Variants in RAD51B observed in about 807,000 individuals in gnomAD.
RAD51B encodes RAD51 paralog B, also known as DNA repair protein RAD51 homolog 2.
In RAD51B, 38 loss-of-function variants were observed where a neutral mutation model predicts 42.2. The observed-to-expected ratio is 0.90, with a 90% CI of 0.70 to 1.18. The LOEUF (loss-of-function observed/expected upper bound fraction) is 1.18. Ranked by LOEUF, RAD51B falls within the 50% of genes most tolerant of loss-of-function variation. The pLI is 0.00. For missense variants in RAD51B, 373 were observed against 400.7 expected, an observed-to-expected ratio of 0.93 and a Z score of 0.59; for synonymous variants, 154 against 145.2, an observed-to-expected ratio of 1.06 and a Z score of -0.43.
chr14:68,562,043 C>T (rs1889178959), intron 10 of RAD51B: 1 of 985,268 alleles, frequency 1.0e-6, no homozygotes, highest in Non-Finnish European at 1.2e-6. Flanking sequence ...GCTGTCTTTG[C>T]AGAATTAGAC....
chr14:68,591,770 C>T (rs992628099), intron 10 of RAD51B, among the ~76,000 whole-genome samples: 2 of 152,140 alleles, frequency 1.3e-5, no homozygotes, highest in African/African-American at 4.8e-5. Context: ...CTCTGGCAGG[C>T]CTGGGGAGAT....
At chr14:68,052,545 A>G (rs1291492635) in intron 7 of RAD51B, among the ~76,000 whole-genome samples, 2 of 151,450 alleles carry the variant, frequency 1.3e-5, no homozygotes, top group African/African-American at 4.9e-5. Flanking sequence ...ATCTCTAGCC[A>G]TTTCTAGATA....
chr14:68,073,434 C>T (rs1290028977), intron 7 of RAD51B, among the ~76,000 whole-genome samples: 1 of 152,168 alleles, frequency 6.6e-6, no homozygotes, highest in African/African-American at 2.4e-5. Flanking sequence ...TGAGATGGGT[C>T]TGTTGAAGAC....
intron 7 of RAD51B, among the ~76,000 whole-genome samples, chr14:68,224,532 G>T (rs897026779): frequency 1.3e-5 from 2 of 152,022 alleles, no homozygotes; most frequent in African/African-American, 4.8e-5. Flanking sequence ...ATATTATTAT[G>T]ATCTATTCAT....
chr14:68,543,918 A>G (rs568816695), intron 10 of RAD51B, among the ~76,000 whole-genome samples: 2 of 152,326 alleles, frequency 1.3e-5, no homozygotes, highest in African/African-American at 4.8e-5. Flanking sequence ...TCAGGAAATT[A>G]GAACAAAAAA....
intron 7 of RAD51B, among the ~76,000 whole-genome samples, chr14:68,040,512 A>T (rs1287110216): frequency 1.3e-5 from 2 of 152,220 alleles, no homozygotes; most frequent in Non-Finnish European, 2.9e-5. Flanking sequence ...ACAATTTTAG[A>T]AAGACTTTTC....
chr14:68,220,789 T>C (rs2079909648), intron 7 of RAD51B, among the ~76,000 whole-genome samples: 1 of 152,096 alleles, frequency 6.6e-6, no homozygotes, highest in Non-Finnish European at 1.5e-5. Flanking sequence ...CATACACAAA[T>C]CAGTAGCTCT....
intron 7 of RAD51B, among the ~76,000 whole-genome samples, chr14:68,076,243 C>G (rs1480665126): frequency 6.6e-6 from 1 of 151,912 alleles, no homozygotes; most frequent in Non-Finnish European, 1.5e-5. Context: ...CCTAGAGAAA[C>G]TTTTTCAATG....
In RAD51B at chr14:68,006,141, G is replaced by C. The variant is rs79898072; in HGVS notation, c.756+118937G>C. Reference sequence around the variant, plus strand: ...CCAACATTGGGGATTATACTTGAACGTAAGATTTGGGTGGGACACAGATCC... The same window carrying C: ...CCAACATTGGGGATTATACTTGAACCTAAGATTTGGGTGGGACACAGATCC... On this transcript the variant is annotated intron_variant, in intron 7 of 10. Coordinates refer to ENST00000471583, the MANE Select transcript of RAD51B (RefSeq NM_133510.4). Among the ~76,000 whole-genome samples, 768 of 152,210 alleles carry C rather than the reference G, an allele frequency of 5.0e-3. 9 individuals are homozygous for C. Among genetic ancestry groups the C allele is most frequent in the African/African-American group, 0.018 (737 of 41,514 alleles).
chr14:67,860,936 G>T (rs1367520191), intron 4 of RAD51B, among the ~76,000 whole-genome samples: 1 of 152,186 alleles, frequency 6.6e-6, no homozygotes, highest in Non-Finnish European at 1.5e-5. Context: ...GCTCATGCCT[G>T]TAATCCTAGT....
intron 7 of RAD51B, among the ~76,000 whole-genome samples, chr14:68,228,521 A>G (rs2080085978): frequency 6.6e-6 from 1 of 152,146 alleles, no homozygotes. Flanking sequence ...GAGAGATGTC[A>G]TTTTTAGAAA....
At chr14:68,109,637 A>G (rs964240950) in intron 7 of RAD51B, among the ~76,000 whole-genome samples, 1 of 151,992 alleles carries the variant, frequency 6.6e-6, no homozygotes, top group African/African-American at 2.4e-5. Flanking sequence ...TTGGAGAAAG[A>G]AAGCAGTTAT....
At chr14:68,328,718 G>A (rs1016725782) in intron 8 of RAD51B, among the ~76,000 whole-genome samples, 3 of 152,200 alleles carry the variant, frequency 2.0e-5, no homozygotes, top group Non-Finnish European at 4.4e-5. Context: ...ATATGTAACC[G>A]AAGCTGAGCA....
intron 7 of RAD51B, among the ~76,000 whole-genome samples, chr14:68,084,120 CTTG>C (rs2076951820): frequency 6.6e-6 from 1 of 152,114 alleles, no homozygotes; most frequent in African/African-American, 2.4e-5. Context: ...CTTATTAGAA[CTTG>C]TTGTAAATAT....
At chr14:67,911,685 T>C (rs1340075827) in intron 7 of RAD51B, among the ~76,000 whole-genome samples, 1 of 152,214 alleles carries the variant, frequency 6.6e-6, no homozygotes, top group Non-Finnish European at 1.5e-5. Context: ...CTGTACTCTT[T>C]ACTACTTGTG....
chr14:68,554,165 C>G (rs1305889542), intron 10 of RAD51B, among the ~76,000 whole-genome samples: 2 of 152,166 alleles, frequency 1.3e-5, no homozygotes, highest in Non-Finnish European at 2.9e-5. Context: ...AGGCTCCAGA[C>G]CAGCTCCAAG....
At chr14:68,601,878 CA>C in intron 10 of RAD51B, among the ~76,000 whole-genome samples, 1 of 152,322 alleles carries the variant, frequency 6.6e-6, no homozygotes, top group East Asian at 1.9e-4. Flanking sequence ...ACAAGCCCAA[CA>C]GGTCTAAACT....
At chr14:68,225,751 T>C (rs2140972491) in intron 7 of RAD51B, among the ~76,000 whole-genome samples, 1 of 152,318 alleles carries the variant, frequency 6.6e-6, no homozygotes, top group South Asian at 2.1e-4. Flanking sequence ...AATCGCAATC[T>C]TTATGTACAT....
At chr14:68,371,464 G>C (rs1011420901) in intron 8 of RAD51B, among the ~76,000 whole-genome samples, 1 of 152,158 alleles carries the variant, frequency 6.6e-6, no homozygotes, top group African/African-American at 2.4e-5. Context: ...GTTGCAGTGA[G>C]CTGAGATCAC....
Sources: gnomAD v4.1 joint callset for allele counts (sites outside exome capture counted in the v4.1 genomes callset) on GRCh38, gnomAD v4.1.1 for gene constraint, MANE v1.5 for transcripts, NCBI Gene and HGNC (gene_info 2026-07-23, HGNC 2026-07-21) for gene names.